Variants in RFX4 observed in about 807,000 individuals in gnomAD.
The protein encoded by RFX4 is transcription factor RFX4.
RFX4 carries 10 observed loss-of-function variants against 95.0 expected under a neutral mutation model. The ratio of observed to expected loss-of-function variants is 0.11; its 90% CI spans 0.06 to 0.18. The LOEUF (loss-of-function observed/expected upper bound fraction) is 0.18. Ranked by LOEUF, RFX4 falls within the 10% of genes least tolerant of loss-of-function variation. RFX4 has a pLI of 1.00. For missense variants in RFX4, 640 were observed against 922.0 expected, an observed-to-expected ratio of 0.69 and a Z score of 3.96; for synonymous variants, 321 against 340.7, an observed-to-expected ratio of 0.94 and a Z score of 0.64.
intron 13 of RFX4, among the ~76,000 whole-genome samples, chr12:106,725,870 AG>A (rs1009944913): frequency 1.3e-5 from 2 of 152,236 alleles, no homozygotes; most frequent in Non-Finnish European, 2.9e-5. Context: ...ATGTTTTTAT[AG>A]GCAAGTTTAA....
At chr12:106,750,869 C>CA in intron 17 of RFX4, 76 bp downstream of exon 17, 1 of 1,362,044 alleles carries the variant, frequency 7.3e-7, no homozygotes. Flanking sequence ...AGTTCATAAA[C>CA]TGTTATGCAT....
intron 15 of RFX4, among the ~76,000 whole-genome samples, chr12:106,743,033 T>C (rs2042833026): frequency 6.6e-6 from 1 of 152,136 alleles, no homozygotes; most frequent in Admixed American, 6.5e-5. Context: ...TTGTTGGGGA[T>C]GGGAGGGGAA....
chr12:106,751,205 C>T (rs2042998150), intron 17 of RFX4, among the ~76,000 whole-genome samples: 4 of 150,978 alleles, frequency 2.6e-5, no homozygotes, highest in South Asian at 4.2e-4. Flanking sequence ...TTTGTTCTTG[C>T]GATAATTTAC....
chr12:106,741,187 C>T (rs575430789), intron 15 of RFX4, among the ~76,000 whole-genome samples: 1 of 152,140 alleles, frequency 6.6e-6, no homozygotes, highest in South Asian at 2.1e-4. Flanking sequence ...ACACAGCTGT[C>T]TTAAGGATAG....
Position 106,761,222 on chromosome 12 carries a change from G to T in RFX4, c.1961G>T (p.Arg654Leu). ...AQYPFNSPTSRMEPCLMSSTP... is the reference protein window; with the variant it reads ...AQYPFNSPTSLMEPCLMSSTP... ...TACCCTTTTAATAGCCCCACTTCCC[G>T]GATGGAACCTTGTTTGATGAGCAGT... is the stretch of plus-strand genomic sequence containing the variant. Residue 654 changes from arginine (R) to leucine (L), a missense_variant, in exon 18 of 18, where the codon CGG becomes CTG. Transcript: ENST00000392842. 1.2e-6 allele frequency: 2 copies of T among 1,613,510 alleles called. No homozygotes were observed. Among genetic ancestry groups the T allele is most frequent in the Non-Finnish European group, 8.5e-7 (1 of 1,179,622 alleles).
chr12:106,629,469 GTTGTT>G (rs755121033), intron 2 of RFX4, among the ~76,000 whole-genome samples: 9 of 151,964 alleles, frequency 5.9e-5, no homozygotes, highest in East Asian at 1.9e-4. Context: ...TGTTTGTTTT[GTTGTT>G]TTGTTTTGTT....
At chr12:106,755,336 T>A (rs1324134279) in intron 17 of RFX4, among the ~76,000 whole-genome samples, 2 of 152,218 alleles carry the variant, frequency 1.3e-5, no homozygotes, top group African/African-American at 4.8e-5. Context: ...GCTCCAGTGA[T>A]CCTCCTGCCT....
In RFX4 at chr12:106,586,128, C is replaced by A. The variant is rs2137158790; in HGVS notation, c.43+2765C>A. ...GACAAAGCAAAGCCCCTCTCGGAGG[C>A]AAAGCCCCAGCTTGCCGCGCGCCGC... On this transcript the variant is annotated intron_variant, in intron 1 of 17. Transcript: ENST00000392842. This position sits in a 1 kb window ranked among gnomAD's most constrained non-coding sequence, Gnocchi z 5.6. Among the ~76,000 whole-genome samples, 1 of 152,344 alleles carries A rather than the reference C, an allele frequency of 6.6e-6. No individual in the cohort carries two copies. The highest frequency in any genetic ancestry group is 2.1e-4 in the South Asian group (1 of 4,834).
chr12:106,614,239 C>A (rs1183816552), intron 2 of RFX4, among the ~76,000 whole-genome samples: 3 of 151,980 alleles, frequency 2.0e-5, no homozygotes, highest in Admixed American at 2.0e-4. Flanking sequence ...CAGCTCACTG[C>A]AACCTCTGCC....
intron 4 of RFX4, among the ~76,000 whole-genome samples, chr12:106,666,147 G>A (rs976735192): frequency 3.3e-5 from 5 of 151,904 alleles, no homozygotes; most frequent in Admixed American, 1.3e-4. Flanking sequence ...AATTTCTAGT[G>A]TACAGAAACT....
chr12:106,668,807 A>G (rs2041226366), intron 4 of RFX4, among the ~76,000 whole-genome samples: 1 of 152,174 alleles, frequency 6.6e-6, no homozygotes, highest in Admixed American at 6.5e-5. Context: ...GGGAAGTAAC[A>G]TGGGTGGTAC....
chr12:106,609,382 A>G (rs942458353), intron 2 of RFX4, among the ~76,000 whole-genome samples: 1 of 152,238 alleles, frequency 6.6e-6, no homozygotes, highest in African/African-American at 2.4e-5. Context: ...GTCCTGTGTT[A>G]TGTCAGACTG....
intron 4 of RFX4, among the ~76,000 whole-genome samples, chr12:106,679,516 G>A (rs1030026433): frequency 2.0e-5 from 3 of 151,554 alleles, no homozygotes; most frequent in African/African-American, 4.8e-5. Context: ...CATTTGTATC[G>A]GAGAAATTTT....
rs2043224069 is a variant in RFX4 at position 106,762,617 on chromosome 12, T to C, written c.*1148T>C. 1 of 152,634 alleles carries C rather than the reference T, an allele frequency of 6.6e-6. No homozygotes were observed. The highest frequency in any genetic ancestry group is 2.1e-4 in the South Asian group (1 of 4,832). The allele number at this position is 152,634 out of a possible 1,614,324, so 9.5% of individuals were successfully genotyped here. A position where few individuals can be genotyped will look rare whatever the true frequency, so the allele number is the denominator to read the frequency against. On this transcript the variant is annotated 3_prime_UTR_variant, in exon 18 of 18. Coordinates refer to ENST00000392842, the MANE Select transcript of RFX4 (RefSeq NM_213594.3). ...CACCAAGCAATTATGGTGGACCTAT[T>C]ACCCTATGGGTAAGAAATAAATGGA...
intron 15 of RFX4, among the ~76,000 whole-genome samples, chr12:106,745,267 G>A (rs946936450): frequency 3.9e-5 from 6 of 152,070 alleles, no homozygotes; most frequent in East Asian, 1.9e-4. Context: ...GGGGGATAAC[G>A]TTCTTTTAAG....
intron 4 of RFX4, among the ~76,000 whole-genome samples, chr12:106,674,519 C>T (rs556471011): frequency 1.4e-4 from 22 of 151,990 alleles, no homozygotes; most frequent in African/African-American, 5.1e-4. Flanking sequence ...TTAGTAGAGA[C>T]GGGGTTTCAC....
At chr12:106,755,632 A>AC (rs1222088107) in intron 17 of RFX4, among the ~76,000 whole-genome samples, 1 of 152,110 alleles carries the variant, frequency 6.6e-6, no homozygotes, top group Non-Finnish European at 1.5e-5. Context: ...CCCCAAGATA[A>AC]CCTTATTTCT....
intron 1 of RFX4, 82 bp from the exon 2 acceptor site, chr12:106,608,715 C>G: frequency 8.0e-7 from 1 of 1,255,656 alleles, no homozygotes; most frequent in South Asian, 1.5e-5. Context: ...GATGTTCTGT[C>G]TCTTCACAAA....
In RFX4 at chr12:106,750,665, A is replaced by G. The variant is rs1488814346; in HGVS notation, c.1807A>G (p.Ser603Gly). 2 of 1,604,912 alleles carry G rather than the reference A, an allele frequency of 1.2e-6. No homozygotes were observed. Among genetic ancestry groups the G allele is most frequent in the Non-Finnish European group, 1.7e-6 (2 of 1,176,162 alleles). Reference sequence around the variant, plus strand: ...CTTGATGCATTTTAGATACACGGGAAGCTATAACTATGGGAGCTATGGCAA... The same window carrying G: ...CTTGATGCATTTTAGATACACGGGAGGCTATAACTATGGGAGCTATGGCAA... Reference protein sequence around the residue: ...PHREEHGYTGSYNYGSYGNQH... With the variant: ...PHREEHGYTGGYNYGSYGNQH... Residue 603 changes from serine to glycine, a missense_variant, in exon 17 of 18, where the codon AGC becomes GGC. Coordinates refer to ENST00000392842, the MANE Select transcript of RFX4 (RefSeq NM_213594.3).
Sources: allele counts gnomAD v4.1 joint callset (sites outside exome capture counted in the v4.1 genomes callset), GRCh38; gene constraint gnomAD v4.1.1; non-coding constraint Gnocchi (gnomAD v3.1); transcripts MANE v1.5; gene names NCBI Gene and HGNC (gene_info 2026-07-23, HGNC 2026-07-21).